MEIOSIN: variants seen among roughly 807,000 people sequenced by gnomAD.
The protein encoded by MEIOSIN is meiosis initiator protein.
In MEIOSIN, 18 loss-of-function variants were observed where a neutral mutation model predicts 23.4. The observed-to-expected ratio is 0.77, with a 90% CI of 0.53 to 1.14. MEIOSIN has a LOEUF of 1.14. MEIOSIN is among the 50% of genes most tolerant of loss of function. The pLI is 0.00. For missense variants in MEIOSIN, 428 were observed against 242.9 expected, an observed-to-expected ratio of 1.76 and a Z score of -5.07; for synonymous variants, 187 against 100.6, an observed-to-expected ratio of 1.86 and a Z score of -5.14.
chr19:45,742,098 A>G (rs539455199), intron 3 of MEIOSIN, among the ~76,000 whole-genome samples: 162 of 151,896 alleles, frequency 1.1e-3, no homozygotes, highest in African/African-American at 3.8e-3. Context: ...CTGGTCTTGA[A>G]CTCCTGACCT....
intron 9 of MEIOSIN, among the ~76,000 whole-genome samples, chr19:45,758,259 G>A (rs747375778): frequency 1.4e-4 from 21 of 152,112 alleles, no homozygotes; most frequent in Non-Finnish European, 2.8e-4. Context: ...CTCCCAAAGC[G>A]CTGGGATTAT....
At position 45,739,723 on chromosome 19, in the gene MEIOSIN, A is replaced by C. The variant is rs1353474025; in HGVS notation, c.169A>C (p.Lys57Gln). The C allele has an allele frequency of 1.4e-6, 1 of 703,480 alleles. No individual in the cohort carries two copies. Among genetic ancestry groups the C allele is most frequent in the Admixed American group, 2.0e-5 (1 of 49,970 alleles). The allele number at this position is 703,480 out of a possible 1,614,324, so 43.6% of individuals were successfully genotyped here. A position where few individuals can be genotyped will look rare whatever the true frequency, so the allele number is the denominator to read the frequency against. ...RMEEKWLLKG[K>Q]LRNQRNQNKL... ...GGAGGAGAAATGGTTGCTCAAAGGA[A>C]AACTGAGGTACTGTTAACAGAAAAG... The change falls in exon 3 of 15, where the codon AAA becomes CAA. Residue 57 changes from lysine (K) to glutamine (Q), a missense_variant. Coordinates refer to ENST00000457052, the MANE Select transcript of MEIOSIN (RefSeq NM_001310124.2).
chr19:45,735,473 T>C (rs967902457), intron 2 of MEIOSIN, 26 bp downstream of exon 2: 3 of 697,362 alleles, frequency 4.3e-6, no homozygotes, highest in South Asian at 3.0e-5. Context: ...ATCTCCCTTA[T>C]AGCCCCAGCC....
chr19:45,745,184 C>T lies in MEIOSIN; in HGVS notation c.177-8C>T. ...TCCTAACCAAAACCAGCTCCTGTCC[C>T]CAAACAGGAATCAGAGGAACCAAAA... On this transcript the variant is annotated splice_polypyrimidine_tract_variant and splice_region_variant and intron_variant, in intron 3 of 14. Coordinates refer to ENST00000457052, the MANE Select transcript of MEIOSIN (RefSeq NM_001310124.2). 1 of 702,370 alleles carries T rather than the reference C, an allele frequency of 1.4e-6. No individual in the cohort carries two copies. The highest frequency in any genetic ancestry group is 2.3e-4 in the Middle Eastern group (1 of 4,368). 43.5% of individuals were successfully genotyped at this position (702,370 alleles called of 1,614,324 possible). A position where few individuals can be genotyped will look rare whatever the true frequency, so the allele number is the denominator to read the frequency against.
intron 9 of MEIOSIN, among the ~76,000 whole-genome samples, chr19:45,758,183 A>G (rs1600389927): frequency 6.7e-6 from 1 of 149,918 alleles, no homozygotes; most frequent in Non-Finnish European, 1.5e-5. Context: ...TAGTAGAGAC[A>G]GGGTTTCACC....
chr19:45,753,612 G>A, intron 5 of MEIOSIN, 39 bp from the exon 6 acceptor site: 1 of 682,460 alleles, frequency 1.5e-6, no homozygotes. Flanking sequence ...ATGCAGATGG[G>A]GTGGGGGATC....
In MEIOSIN at chr19:45,760,217, C is replaced by T. The variant is rs1347577497; in HGVS notation, c.1245+727C>T. Among the ~76,000 whole-genome samples the T allele has an allele frequency of 3.9e-5, 6 of 152,048 alleles. No individual in the cohort carries two copies. The East Asian group carries it at 1.2e-3, about 30-fold the overall frequency. On this transcript the variant is annotated intron_variant, in intron 11 of 14. Transcript: ENST00000457052. ...GCGCGGTGGCTCACACCTGTAATCT[C>T]AGCAGTTTGAGAGGCTGACGTAGGC...
At chr19:45,752,633 G>A (rs1360685282) in intron 5 of MEIOSIN, among the ~76,000 whole-genome samples, 3 of 152,082 alleles carry the variant, frequency 2.0e-5, no homozygotes, top group African/African-American at 7.2e-5. Flanking sequence ...GATTATAGGA[G>A]TGGGCCACCA....
intron 8 of MEIOSIN, among the ~76,000 whole-genome samples, chr19:45,756,773 C>T (rs367666346): frequency 3.9e-5 from 6 of 152,100 alleles, no homozygotes; most frequent in Admixed American, 1.3e-4. Flanking sequence ...CAACTCACCT[C>T]GTCAGCCCTC....
At chr19:45,742,207 A>G (rs950434755) in intron 3 of MEIOSIN, among the ~76,000 whole-genome samples, 5 of 150,716 alleles carry the variant, frequency 3.3e-5, no homozygotes, top group South Asian at 2.1e-4. Context: ...GGGTCTCACT[A>G]TGTTGCCCAG....
chr19:45,762,461 T>A (rs1968966462), intron 13 of MEIOSIN, among the ~76,000 whole-genome samples: 1 of 152,222 alleles, frequency 6.6e-6, no homozygotes, highest in South Asian at 2.1e-4. Context: ...AGAGTCTCAC[T>A]CTATTGCCCA....
chr19:45,738,997 A>G lies in MEIOSIN; in HGVS notation c.72-629A>G, dbSNP rs181742093. ...TTAAGCATAAAAAGGGATTTATTGG[A>G]TCATTTAAACAAAAAATTCAGGGAT... On this transcript the variant is annotated intron_variant, in intron 2 of 14. Transcript: ENST00000457052. 6.8e-3 allele frequency among the ~76,000 whole-genome samples: 1,031 copies of G among 152,302 alleles called. 8 individuals are homozygous for G. Among genetic ancestry groups the G allele is most frequent in the Non-Finnish European group, 0.011 (748 of 68,016 alleles).
intron 9 of MEIOSIN, among the ~76,000 whole-genome samples, chr19:45,758,416 C>T (rs1968875109): frequency 6.6e-6 from 1 of 151,462 alleles, no homozygotes; most frequent in South Asian, 2.1e-4. Context: ...CATCATTTTG[C>T]TTCATTTCTT....
At chr19:45,755,291 A>G (rs1968802980) in intron 7 of MEIOSIN, among the ~76,000 whole-genome samples, 1 of 150,516 alleles carries the variant, frequency 6.6e-6, no homozygotes. Flanking sequence ...CTGGGATTAC[A>G]GGCGCGCACC....
chr19:45,764,163 G>T lies in MEIOSIN; in HGVS notation c.*45G>T, dbSNP rs539377527. On this transcript the variant is annotated 3_prime_UTR_variant, in exon 15 of 15. Transcript: ENST00000457052. The stretch of plus-strand genomic sequence containing the variant: ...GCTCCCCTCACCCCTCATGGCAACC[G>T]CGGCTCTTGCTGGAAGCCAGGACCC... 2.9e-4 allele frequency: 117 copies of T among 398,444 alleles called. No homozygotes were observed. The highest frequency in any genetic ancestry group is 4.6e-4 in the Non-Finnish European group (104 of 226,014). 24.7% of individuals were successfully genotyped at this position (398,444 alleles called of 1,614,324 possible).
chr19:45,737,880 C>A (rs1308493916), intron 2 of MEIOSIN, among the ~76,000 whole-genome samples: 1 of 151,652 alleles, frequency 6.6e-6, no homozygotes, highest in African/African-American at 2.4e-5. Context: ...CGAGATCGCG[C>A]CATTGCACTC....
intron 5 of MEIOSIN, among the ~76,000 whole-genome samples, chr19:45,753,356 G>T (rs996887186): frequency 4.6e-5 from 7 of 152,150 alleles, no homozygotes; most frequent in African/African-American, 7.2e-5. Context: ...AGGAGGTACT[G>T]GTGTGGGCGG....
intron 4 of MEIOSIN, among the ~76,000 whole-genome samples, chr19:45,748,906 T>C (rs1276994301): frequency 1.4e-5 from 2 of 147,436 alleles, no homozygotes; most frequent in Admixed American, 6.8e-5. Context: ...TTGTCTCTAC[T>C]AAAAATACAA....
At chr19:45,747,796 A>T (rs1185050339) in intron 4 of MEIOSIN, among the ~76,000 whole-genome samples, 1 of 152,168 alleles carries the variant, frequency 6.6e-6, no homozygotes, top group African/African-American at 2.4e-5. Context: ...AGAGAGAAAG[A>T]GAGAGGGAGG....
Sources: gnomAD v4.1 joint callset for allele counts (sites outside exome capture counted in the v4.1 genomes callset) on GRCh38, gnomAD v4.1.1 for gene constraint, MANE v1.5 for transcripts, NCBI Gene and HGNC (gene_info 2026-07-23, HGNC 2026-07-21) for gene names.